Variants in SLC22A23 observed in about 807,000 individuals in gnomAD.
SLC22A23 encodes ion transporter protein.
A neutral mutation model predicts 61.0 loss-of-function variants in SLC22A23; 26 were observed. That is an observed-to-expected ratio of 0.43 (90% CI 0.31 to 0.59). SLC22A23 has a LOEUF of 0.59. SLC22A23 is among the 20% of genes least tolerant of loss of function. The probability of loss-of-function intolerance (pLI) is 0.11; values close to 1 mark genes in which losing one functional copy is unlikely to be tolerated. For synonymous variants in SLC22A23, 430 were observed against 413.9 expected, an observed-to-expected ratio of 1.04 and a Z score of -0.47; for missense variants, 796 against 934.7, an observed-to-expected ratio of 0.85 and a Z score of 1.94.
At chr6:3,429,769 G>A (rs1770739995) in intron 1 of SLC22A23, among the ~76,000 whole-genome samples, 1 of 152,330 alleles carries the variant, frequency 6.6e-6, no homozygotes, top group Non-Finnish European at 1.5e-5. Flanking sequence ...GATGAACCTT[G>A]AAGACATGCT....
chr6:3,322,879 A>T lies in SLC22A23; in HGVS notation c.1082+955T>A, dbSNP rs1279383428. On this transcript the variant is annotated intron_variant, in intron 4 of 9. Transcript: ENST00000406686. The surrounding 1 kb of genome is among the most constrained non-coding windows in gnomAD (Gnocchi z 4.1). ...CTAAATAGTAGCAATACAGGGCCACATCCATGATCTACTTATGGGTAAGGT... is the reference window on the plus strand; with the variant it reads ...CTAAATAGTAGCAATACAGGGCCACTTCCATGATCTACTTATGGGTAAGGT... Among the ~76,000 whole-genome samples, 1 of 152,196 alleles carries T rather than the reference A, an allele frequency of 6.6e-6. No homozygotes were observed. The highest frequency in any genetic ancestry group is 1.5e-5 in the Non-Finnish European group (1 of 68,034).
intron 1 of SLC22A23, among the ~76,000 whole-genome samples, chr6:3,440,435 C>T (rs919275436): frequency 2.6e-5 from 4 of 151,986 alleles, no homozygotes; most frequent in East Asian, 1.9e-4. Context: ...TGGCCGGGTG[C>T]GGTGGCTCAT....
At chr6:3,422,565 T>A (rs1770214366) in intron 1 of SLC22A23, among the ~76,000 whole-genome samples, 1 of 152,140 alleles carries the variant, frequency 6.6e-6, no homozygotes, top group South Asian at 2.1e-4. Flanking sequence ...CTCAAATTAC[T>A]CTCTACTTTT....
rs1771062759 is a variant in SLC22A23 at position 3,434,305 on chromosome 6, T to G, written c.655-18450A>C. On this transcript the variant is annotated intron_variant, in intron 1 of 9. Coordinates refer to ENST00000406686, the MANE Select transcript of SLC22A23 (RefSeq NM_015482.2). Reference sequence around the variant, plus strand: ...TCCACCCTGGGCGACAGAGCGAAACTCTGTAAATAAATAAATAAATAAATA... The same window carrying G: ...TCCACCCTGGGCGACAGAGCGAAACGCTGTAAATAAATAAATAAATAAATA... Among the ~76,000 whole-genome samples, 3 of 151,108 alleles carry G rather than the reference T, an allele frequency of 2.0e-5. No individual in the cohort carries two copies. In the South Asian group the frequency reaches 6.3e-4, roughly 32 times the overall value.
intron 4 of SLC22A23, among the ~76,000 whole-genome samples, chr6:3,315,461 C>A (rs1762583506): frequency 6.6e-6 from 1 of 152,238 alleles, no homozygotes; most frequent in Non-Finnish European, 1.5e-5. Context: ...GATGGTCAAG[C>A]TATCTGTTCA....
rs79642810 is a variant in SLC22A23, at chr6:3,357,537, A to C, written c.914-33535T>G. Among the ~76,000 whole-genome samples, 141 of 152,336 alleles carry C rather than the reference A, an allele frequency of 9.3e-4. 2 individuals are homozygous for C. In the East Asian group the frequency reaches 0.022, roughly 24 times the overall value. On this transcript the variant is annotated intron_variant, in intron 3 of 9. Transcript: ENST00000406686. ...GTTTACTTCATTCTAAATATCAAAAAGATATCTAAAAGCTTATCATAAAAA... is the reference window on the plus strand; with the variant it reads ...GTTTACTTCATTCTAAATATCAAAACGATATCTAAAAGCTTATCATAAAAA...
chr6:3,359,994 A>T (rs1765337326), intron 3 of SLC22A23, among the ~76,000 whole-genome samples: 1 of 152,166 alleles, frequency 6.6e-6, no homozygotes, highest in African/African-American at 2.4e-5. Context: ...CATTATGCTA[A>T]GTGAAGTAAG....
At chr6:3,343,126 T>G (rs979076050) in intron 3 of SLC22A23, among the ~76,000 whole-genome samples, 2 of 152,242 alleles carry the variant, frequency 1.3e-5, no homozygotes, top group Non-Finnish European at 2.9e-5. Context: ...AAAGCTCTGT[T>G]TCTAGGTAGA....
intron 9 of SLC22A23, among the ~76,000 whole-genome samples, chr6:3,281,655 T>TG (rs1759483555): frequency 6.6e-6 from 1 of 151,880 alleles, no homozygotes; most frequent in African/African-American, 2.4e-5. Context: ...CTCTGTGAAG[T>TG]GGGGGGATGG....
At chr6:3,331,912 TA>T (rs1170828809) in intron 3 of SLC22A23, among the ~76,000 whole-genome samples, 1 of 152,198 alleles carries the variant, frequency 6.6e-6, no homozygotes, top group East Asian at 1.9e-4. Context: ...AGGGTGGCTT[TA>T]AGGTGGAGAG....
intron 3 of SLC22A23, among the ~76,000 whole-genome samples, chr6:3,353,918 C>T (rs868340899): frequency 6.6e-6 from 1 of 152,170 alleles, no homozygotes; most frequent in Non-Finnish European, 1.5e-5. Context: ...CTTACAGATC[C>T]CAGACTACCA....
At position 3,387,085 on chromosome 6, in the gene SLC22A23, A is replaced by T. The variant is rs533624029; in HGVS notation, c.913+23103T>A. ...CTTTTTGAGGAGTGAGGAGGTAAAC[A>T]GCAGTGTACCTAGCCACATGGATTA... is the stretch of plus-strand genomic sequence containing the variant. On this transcript the variant is annotated intron_variant, in intron 3 of 9. Coordinates refer to ENST00000406686, the MANE Select transcript of SLC22A23 (RefSeq NM_015482.2). The surrounding 1 kb of genome is among the most constrained non-coding windows in gnomAD (Gnocchi z 5.0). 6.6e-6 allele frequency among the ~76,000 whole-genome samples: 1 copy of T among 152,378 alleles called. No homozygotes were observed. Among genetic ancestry groups the T allele is most frequent in the Admixed American group, 6.5e-5 (1 of 15,314 alleles).
In SLC22A23 at chr6:3,436,284, C is replaced by T. The variant is rs11967525; in HGVS notation, c.654+19622G>A. 9.7e-3 allele frequency among the ~76,000 whole-genome samples: 1,469 copies of T among 152,120 alleles called. 19 individuals are homozygous for T. Among genetic ancestry groups the T allele is most frequent in the African/African-American group, 0.025 (1,019 of 41,486 alleles). ...CCGGGTAGCTGGGATTACAGGTGCCCGCCACCACGTCCAGCTATTTTTTGT... is the reference window on the plus strand; with the variant it reads ...CCGGGTAGCTGGGATTACAGGTGCCTGCCACCACGTCCAGCTATTTTTTGT... On this transcript the variant is annotated intron_variant, in intron 1 of 9. Coordinates refer to ENST00000406686, the MANE Select transcript of SLC22A23 (RefSeq NM_015482.2).
intron 9 of SLC22A23, among the ~76,000 whole-genome samples, chr6:3,277,996 C>T (rs1234280758): frequency 1.3e-5 from 2 of 152,322 alleles, no homozygotes; most frequent in African/African-American, 4.8e-5. Flanking sequence ...CCCCACAGCC[C>T]GTGAGGAAAC....
In SLC22A23 at chr6:3,270,919, A is replaced by G. The variant is rs1758435523; in HGVS notation, c.*2136T>C. 6.6e-6 allele frequency: 1 copy of G among 152,270 alleles called. No individual in the cohort carries two copies. The highest frequency in any genetic ancestry group is 2.4e-5 in the African/African-American group (1 of 41,392). The allele number at this position is 152,270 out of a possible 1,614,324, so 9.4% of individuals were successfully genotyped here. A position where few individuals can be genotyped will look rare whatever the true frequency, so the allele number is the denominator to read the frequency against. The stretch of plus-strand genomic sequence containing the variant: ...ATATCCTTCCACAACACAGTACAGT[A>G]AGTGGACTGCAGGGTGGCCTGGTGC... On this transcript the variant is annotated 3_prime_UTR_variant, in exon 10 of 10. Transcript: ENST00000406686.
chr6:3,296,448 T>C (rs1032919019), intron 5 of SLC22A23, among the ~76,000 whole-genome samples: 12 of 152,338 alleles, frequency 7.9e-5, no homozygotes, highest in Non-Finnish European at 1.0e-4. Context: ...CTAATTATAG[T>C]GCCTCTCTCA....
At chr6:3,432,687 T>C (rs1044508871) in intron 1 of SLC22A23, among the ~76,000 whole-genome samples, 1 of 152,230 alleles carries the variant, frequency 6.6e-6, no homozygotes, top group African/African-American at 2.4e-5. Context: ...ACATGCTTCC[T>C]GATGAAGTGC....
At chr6:3,320,096 A>C (rs1397705568) in intron 4 of SLC22A23, among the ~76,000 whole-genome samples, 1 of 152,174 alleles carries the variant, frequency 6.6e-6, no homozygotes, top group Non-Finnish European at 1.5e-5. Flanking sequence ...GCCCCCGGGC[A>C]GGTGTTGAAA....
chr6:3,334,942 G>A (rs541280085), intron 3 of SLC22A23, among the ~76,000 whole-genome samples: 79 of 152,256 alleles, frequency 5.2e-4, no homozygotes, highest in African/African-American at 1.7e-3. Context: ...GGGGCTCTCC[G>A]GGCCTCTCAC....
Sources: gnomAD v4.1 joint callset for allele counts (sites outside exome capture counted in the v4.1 genomes callset) on GRCh38, gnomAD v4.1.1 for gene constraint, Gnocchi (gnomAD v3.1) non-coding constraint, MANE v1.5 for transcripts, NCBI Gene and HGNC (gene_info 2026-07-23, HGNC 2026-07-21) for gene names.